Variants in RGS21 observed in about 807,000 individuals in gnomAD.
RGS21 encodes regulator of G protein signaling 21.
A neutral mutation model predicts 18.7 loss-of-function variants in RGS21; 19 were observed. The observed-to-expected ratio is 1.01, with a 90% CI of 0.71 to 1.49. The LOEUF (loss-of-function observed/expected upper bound fraction) is 1.49, where lower values mean the gene tolerates loss of function less well. Among genes scored for constraint, RGS21 ranks in the 40% most tolerant of loss-of-function variants. The pLI, the probability that RGS21 is intolerant of heterozygous loss-of-function variation, is 0.00. For synonymous variants in RGS21, 56 were observed against 57.8 expected (o/e 0.97, Z 0.14); for missense variants, 194 against 176.8 (o/e 1.10, Z -0.55).
intron 1 of RGS21, among the ~76,000 whole-genome samples, chr1:192,324,429 T>C (rs1452688896): frequency 6.6e-6 from 1 of 152,116 alleles, no homozygotes; most frequent in African/African-American, 2.4e-5. Context: ...CAATTTCATA[T>C]AGCAGTAGTT....
At chr1:192,339,385 C>T (rs1032945978) in intron 1 of RGS21, among the ~76,000 whole-genome samples, 4 of 152,010 alleles carry the variant, frequency 2.6e-5, no homozygotes, top group Admixed American at 2.0e-4. Context: ...AGTGGGGTCT[C>T]ATGTAGATTT....
intron 1 of RGS21, among the ~76,000 whole-genome samples, chr1:192,334,857 T>C (rs531448699): frequency 3.3e-5 from 5 of 152,242 alleles, no homozygotes; most frequent in Admixed American, 3.3e-4. Flanking sequence ...CCCAACAAGA[T>C]TGGGTTGACA....
rs77664911 is a variant in RGS21, at chr1:192,352,059, C to T, written c.101C>T (p.Ala34Val). 22,651 of 1,594,048 alleles carry T rather than the reference C, an allele frequency of 0.014. 251 individuals carry two copies. The highest frequency in any genetic ancestry group is 0.017 in the Non-Finnish European group (19,447 of 1,171,066). The change falls in exon 4 of 5, where the codon GCT (alanine) becomes GTT (valine). Residue 34 changes from alanine to valine, a missense_variant. By Grantham distance (64) the Ala-to-Val change is moderately conservative. Coordinates refer to ENST00000417209, the MANE Select transcript of RGS21 (RefSeq NM_001039152.3). ...TLLANQAGLD[A>V]FRIFLKSEFS... Reference sequence around the variant, plus strand: ...ATATATTTTATAGCTGGTCTAGATGCTTTTCGAATATTTCTAAAATCAGAG... The same window carrying T: ...ATATATTTTATAGCTGGTCTAGATGTTTTTCGAATATTTCTAAAATCAGAG...
intron 1 of RGS21, among the ~76,000 whole-genome samples, chr1:192,342,244 T>G (rs1658881754): frequency 6.6e-6 from 1 of 152,086 alleles, no homozygotes; most frequent in Admixed American, 6.6e-5. Context: ...AGAACTGTAT[T>G]ACATTGAGAT....
intron 1 of RGS21, among the ~76,000 whole-genome samples, chr1:192,336,363 G>A (rs1320452564): frequency 1.3e-5 from 2 of 152,178 alleles, no homozygotes; most frequent in Admixed American, 1.3e-4. Context: ...GCTGAGGCCG[G>A]AGAATCGCTT....
At chr1:192,331,669 G>A (rs1158368291) in intron 1 of RGS21, among the ~76,000 whole-genome samples, 1 of 151,612 alleles carries the variant, frequency 6.6e-6, no homozygotes, top group Non-Finnish European at 1.5e-5. Flanking sequence ...GGCACAATGA[G>A]AGTAACTTAA....
At chr1:192,320,139 A>G (rs1225259525) in intron 1 of RGS21, among the ~76,000 whole-genome samples, 2 of 152,072 alleles carry the variant, frequency 1.3e-5, no homozygotes, top group Admixed American at 6.6e-5. Context: ...CTTTCAGAGA[A>G]TCGAGGGTGG....
At chr1:192,322,872 G>C (rs1423540938) in intron 1 of RGS21, among the ~76,000 whole-genome samples, 1 of 152,080 alleles carries the variant, frequency 6.6e-6, no homozygotes, top group African/African-American at 2.4e-5. Context: ...GGAAATCAGT[G>C]GGAAACCAGA....
rs111236960 is a variant in RGS21, at chr1:192,349,300, T to C, written c.88+1911T>C. ...TTCATGCCCACATGAAATAGAAAAGTCATATACATCCGAACAGTTGTTTGG... is the reference window on the plus strand; with the variant it reads ...TTCATGCCCACATGAAATAGAAAAGCCATATACATCCGAACAGTTGTTTGG... On this transcript the variant is annotated intron_variant, in intron 3 of 4. Coordinates refer to ENST00000417209, the MANE Select transcript of RGS21 (RefSeq NM_001039152.3). Among the ~76,000 whole-genome samples the C allele has an allele frequency of 4.1e-3, 625 of 152,290 alleles. 6 individuals are homozygous for C. Among genetic ancestry groups the C allele is most frequent in the African/African-American group, 0.014 (593 of 41,574 alleles).
At position 192,331,905 on chromosome 1, in the gene RGS21, T is replaced by C. The variant is rs180766355; in HGVS notation, c.-60-11072T>C. ...TGAACATTGCATATATCCACAACAA[T>C]GAAGATATTTAGAGAACGGTCTTAA... On this transcript the variant is annotated intron_variant, in intron 1 of 4. Coordinates refer to ENST00000417209, the MANE Select transcript of RGS21 (RefSeq NM_001039152.3). Among the ~76,000 whole-genome samples, 512 of 152,026 alleles carry C rather than the reference T, an allele frequency of 3.4e-3. 4 individuals are homozygous for C. The highest frequency in any genetic ancestry group is 0.01 in the Middle Eastern group (3 of 286).
intron 4 of RGS21, among the ~76,000 whole-genome samples, chr1:192,355,945 C>T (rs1659105869): frequency 6.6e-6 from 1 of 151,408 alleles, no homozygotes; most frequent in Non-Finnish European, 1.5e-5. Flanking sequence ...AGTATCAAAT[C>T]ATATCATGGT....
rs373223191 is a variant in RGS21, at chr1:192,321,650, T to G, written c.-61+4545T>G. ...CCATTTTTACTCTTATATTAATCAT[T>G]TGTATATTTATAATATGAGCATAAG... On this transcript the variant is annotated intron_variant, in intron 1 of 4. Transcript: ENST00000417209. 3.3e-5 allele frequency among the ~76,000 whole-genome samples: 5 copies of G among 152,184 alleles called. No individual in the cohort carries two copies. In the South Asian group the frequency reaches 1.0e-3, roughly 32 times the overall value.
At chr1:192,335,096 C>A (rs1658748937) in intron 1 of RGS21, among the ~76,000 whole-genome samples, 1 of 152,098 alleles carries the variant, frequency 6.6e-6, no homozygotes, top group South Asian at 2.1e-4. Context: ...TAAAAAAAAT[C>A]ATTTCATGGG....
chr1:192,347,424 T>C (rs1001923991), intron 3 of RGS21, 35 bp downstream of exon 3: 2 of 947,330 alleles, frequency 2.1e-6, no homozygotes, highest in African/African-American at 1.6e-5. Flanking sequence ...TAAAATACAA[T>C]AATTAAATAT....
Position 192,330,359 on chromosome 1 carries a change from G to C in RGS21, c.-60-12618G>C, listed in dbSNP as rs182768966. 2.6e-5 allele frequency among the ~76,000 whole-genome samples: 4 copies of C among 152,262 alleles called. No individual in the cohort carries two copies. In the East Asian group the frequency reaches 7.7e-4, roughly 29 times the overall value. ...CCAGAGGGAGTTTGAAATATGGACA[G>C]ATGTATGAAATGGTTCAGAATTCAA... On this transcript the variant is annotated intron_variant, in intron 1 of 4. Transcript: ENST00000417209.
intron 2 of RGS21, among the ~76,000 whole-genome samples, chr1:192,346,846 T>G (rs1250297615): frequency 6.6e-6 from 1 of 152,126 alleles, no homozygotes; most frequent in Non-Finnish European, 1.5e-5. Flanking sequence ...GTTCATCACA[T>G]GCTAGAAATT....
At chr1:192,324,949 C>T (rs1432094962) in intron 1 of RGS21, among the ~76,000 whole-genome samples, 1 of 152,000 alleles carries the variant, frequency 6.6e-6, no homozygotes, top group Non-Finnish European at 1.5e-5. Context: ...CTACAAAAAT[C>T]CTTTTGGTGA....
chr1:192,347,069 A>G lies in RGS21; in HGVS notation c.12-244A>G, dbSNP rs574208054. On this transcript the variant is annotated intron_variant, in intron 2 of 4. Transcript: ENST00000417209. ...ATCTTTTATGCCTTTATTAGAATTT[A>G]AGAAGCCTCAAATATTCTTAAGACT... Among the ~76,000 whole-genome samples, 5 of 152,286 alleles carry G rather than the reference A, an allele frequency of 3.3e-5. No individual in the cohort carries two copies. The East Asian group carries it at 9.6e-4, about 29-fold the overall frequency.
At chr1:192,361,832 C>A (rs999812193) in intron 4 of RGS21, among the ~76,000 whole-genome samples, 1 of 152,060 alleles carries the variant, frequency 6.6e-6, no homozygotes, top group African/African-American at 2.4e-5. Context: ...CAGGCATGAG[C>A]CACCATGCCC....
Sources: gnomAD v4.1 joint callset for allele counts (sites outside exome capture counted in the v4.1 genomes callset) on GRCh38, gnomAD v4.1.1 for gene constraint, MANE v1.5 for transcripts, NCBI Gene and HGNC (gene_info 2026-07-23, HGNC 2026-07-21) for gene names.